Variants in GUCY1A1 observed in about 807,000 individuals in gnomAD.
GUCY1A1 encodes guanylate cyclase 1 soluble subunit alpha 1, also known as guanylate cyclase soluble subunit alpha-1.
Under a neutral mutation model 64.5 loss-of-function variants are expected in GUCY1A1, and 48 were observed. That is an observed-to-expected ratio of 0.74 (90% CI 0.59 to 0.95). The LOEUF is 0.95. Among genes scored for constraint, GUCY1A1 ranks in the 40% least tolerant of loss-of-function variants. The pLI is 0.00. For synonymous variants in GUCY1A1, 308 were observed against 303.4 expected (o/e 1.02, Z -0.16); for missense variants, 804 against 825.3 (o/e 0.97, Z 0.32).
intron 3 of GUCY1A1, among the ~76,000 whole-genome samples, chr4:155,697,745 C>A (rs1221688568): frequency 6.6e-6 from 1 of 152,138 alleles, no homozygotes; most frequent in Admixed American, 6.6e-5. Flanking sequence ...TTAGGTCTCA[C>A]ACTTCTTCAT....
At chr4:155,703,902 A>G in intron 3 of GUCY1A1, 30 bp from the exon 4 acceptor site, 2 of 1,383,036 alleles carry the variant, frequency 1.4e-6, no homozygotes, top group East Asian at 2.3e-5. Flanking sequence ...ATATAAGGGA[A>G]TGTTTAAAAC....
At chr4:155,699,250 C>T (rs1730788671) in intron 3 of GUCY1A1, among the ~76,000 whole-genome samples, 1 of 151,964 alleles carries the variant, frequency 6.6e-6, no homozygotes, top group Non-Finnish European at 1.5e-5. Context: ...GAGAGCCTCT[C>T]AAACATTTTC....
rs371781204 is a variant in GUCY1A1, at chr4:155,684,449, T to C, written c.-112-12307T>C. Among the ~76,000 whole-genome samples the C allele has an allele frequency of 2.4e-4, 37 of 152,324 alleles. 1 individual carries two copies. The East Asian group carries it at 3.9e-3, about 16-fold the overall frequency. ...ATCAAGGATCTGTGTCCCAGTGTTATGACAAAAGTTCATTTCCTGTCTTAA... is the reference window on the plus strand; with the variant it reads ...ATCAAGGATCTGTGTCCCAGTGTTACGACAAAAGTTCATTTCCTGTCTTAA... On this transcript the variant is annotated intron_variant, in intron 2 of 9. Coordinates refer to ENST00000506455, the MANE Select transcript of GUCY1A1 (RefSeq NM_001130682.3).
intron 5 of GUCY1A1, among the ~76,000 whole-genome samples, chr4:155,708,803 G>A (rs1732150273): frequency 6.6e-6 from 1 of 152,060 alleles, no homozygotes; most frequent in African/African-American, 2.4e-5. Context: ...TAATAATAAT[G>A]ACTAACGTAT....
At chr4:155,722,533 A>G in intron 9 of GUCY1A1, 1 of 715,758 alleles carries the variant, frequency 1.4e-6, no homozygotes, top group Non-Finnish European at 1.7e-6. Context: ...CTGGCAGTAA[A>G]CACCCAGACT....
intron 9 of GUCY1A1, among the ~76,000 whole-genome samples, chr4:155,726,380 T>C (rs1223390669): frequency 6.6e-6 from 1 of 152,012 alleles, no homozygotes; most frequent in African/African-American, 2.4e-5. Flanking sequence ...CAATTAAACA[T>C]CCAATGCTTT....
chr4:155,696,904 G>A lies in GUCY1A1; in HGVS notation c.37G>A (p.Gly13Arg), dbSNP rs1445845185. 9 of 1,613,388 alleles carry A rather than the reference G, an allele frequency of 5.6e-6. No individual in the cohort carries two copies. Among genetic ancestry groups the A allele is most frequent in the Non-Finnish European group, 7.6e-6 (9 of 1,179,502 alleles). ...CTKLKDLKITGECPFSLLAPG... is the reference protein window; with the variant it reads ...CTKLKDLKITRECPFSLLAPG... Reference sequence around the variant, plus strand: ...GAAGCTCAAGGATCTCAAGATCACAGGAGAGTGTCCTTTCTCCTTACTGGC... The same window carrying A: ...GAAGCTCAAGGATCTCAAGATCACAAGAGAGTGTCCTTTCTCCTTACTGGC... The change falls in exon 3 of 10, where the codon GGA (glycine) becomes AGA (arginine). Residue 13 changes from glycine to arginine, a missense_variant. Physicochemically the swap from Gly to Arg is moderately radical, Grantham distance 125. Coordinates refer to ENST00000506455, the MANE Select transcript of GUCY1A1 (RefSeq NM_001130682.3).
At chr4:155,677,945 T>G (rs1560912496) in intron 2 of GUCY1A1, among the ~76,000 whole-genome samples, 1 of 151,812 alleles carries the variant, frequency 6.6e-6, no homozygotes, top group Non-Finnish European at 1.5e-5. Context: ...ATATAAAAAA[T>G]TAGCAAAGTG....
intron 4 of GUCY1A1, among the ~76,000 whole-genome samples, chr4:155,704,938 G>A (rs28404757): frequency 0.016 from 2,413 of 152,246 alleles, 67 homozygotes; most frequent in African/African-American, 0.055. Context: ...CTAGGCTGGA[G>A]TGCAGTGCAA....
At position 155,731,605 on chromosome 4, in the gene GUCY1A1, T is replaced by G. The variant is rs1010936520; in HGVS notation, c.*1374T>G. 7 of 151,804 alleles carry G rather than the reference T, an allele frequency of 4.6e-5. No individual in the cohort carries two copies. The highest frequency in any genetic ancestry group is 1.7e-4 in the African/African-American group (7 of 41,382). The allele number at this position is 151,804 out of a possible 1,614,324, so 9.4% of individuals were successfully genotyped here. On this transcript the variant is annotated 3_prime_UTR_variant, in exon 10 of 10. Coordinates refer to ENST00000506455, the MANE Select transcript of GUCY1A1 (RefSeq NM_001130682.3). ...CTCTGGTGAACTAAAAAATCTACAT[T>G]TTGGTTGGGGATAAAGATTTGATTT...
chr4:155,678,379 T>C (rs1735247519), intron 2 of GUCY1A1, among the ~76,000 whole-genome samples: 1 of 152,212 alleles, frequency 6.6e-6, no homozygotes, highest in Non-Finnish European at 1.5e-5. Context: ...CTCAAATGTG[T>C]CTTGAACAAG....
intron 3 of GUCY1A1, among the ~76,000 whole-genome samples, chr4:155,699,432 T>TA: frequency 6.6e-6 from 1 of 152,284 alleles, no homozygotes. Flanking sequence ...AAATTGTATA[T>TA]AAAAAATTTA....
At chr4:155,702,971 A>G (rs1731287833) in intron 3 of GUCY1A1, among the ~76,000 whole-genome samples, 1 of 150,262 alleles carries the variant, frequency 6.7e-6, no homozygotes, top group Non-Finnish European at 1.5e-5. Flanking sequence ...TATATATAAT[A>G]TATAGTTTTA....
At chr4:155,705,539 C>CA (rs35914312) in intron 4 of GUCY1A1, among the ~76,000 whole-genome samples, 34,517 of 81,608 alleles carry the variant, frequency 0.42, 6,042 homozygotes, top group East Asian at 0.58. Flanking sequence ...GACTCCATCT[C>CA]AAAAAAAAAA....
At chr4:155,721,992 G>A (rs376915175) in intron 8 of GUCY1A1, 46 bp from the exon 9 acceptor site, 1 of 1,270,734 alleles carries the variant, frequency 7.9e-7, no homozygotes, top group African/African-American at 1.5e-5. Flanking sequence ...CGAGTAGGAA[G>A]TGTTTTACCA....
rs375280422 is a variant in GUCY1A1, at chr4:155,726,029, T to TA, written c.1871+3838dup. ...TTAACATTTCTGTCTTTGTTTCAGT[T>TA]ACGTTTATATACACATGCATGAATG... On this transcript the variant is annotated intron_variant, in intron 9 of 9. Transcript: ENST00000506455. Among the ~76,000 whole-genome samples the TA allele has an allele frequency of 3.0e-3, 462 of 152,168 alleles. 6 individuals carry two copies. Among genetic ancestry groups the TA allele is most frequent in the African/African-American group, 0.01 (421 of 41,574 alleles).
intron 4 of GUCY1A1, among the ~76,000 whole-genome samples, chr4:155,705,872 C>G (rs965449580): frequency 6.6e-6 from 1 of 151,874 alleles, no homozygotes; most frequent in Non-Finnish European, 1.5e-5. Context: ...CTGACAGAAG[C>G]TTTGTTTACA....
intron 2 of GUCY1A1, among the ~76,000 whole-genome samples, chr4:155,672,866 G>A (rs1226513325): frequency 6.6e-6 from 1 of 152,168 alleles, no homozygotes; most frequent in Non-Finnish European, 1.5e-5. Flanking sequence ...ATATTTTGTA[G>A]TGTAATTTCT....
At chr4:155,699,607 G>T (rs987389753) in intron 3 of GUCY1A1, among the ~76,000 whole-genome samples, 1 of 152,086 alleles carries the variant, frequency 6.6e-6, no homozygotes, top group African/African-American at 2.4e-5. Flanking sequence ...GGCAGTAAAT[G>T]TTCCAGTGTT....
Sources: allele counts gnomAD v4.1 joint callset (sites outside exome capture counted in the v4.1 genomes callset), GRCh38; gene constraint gnomAD v4.1.1; transcripts MANE v1.5; gene names NCBI Gene and HGNC (gene_info 2026-07-23, HGNC 2026-07-21).